Variants in ROBO1 observed in about 807,000 individuals in gnomAD.
The protein encoded by ROBO1 is roundabout guidance receptor 1.
In ROBO1, 149 loss-of-function variants were observed where a neutral mutation model predicts 195.9. The observed-to-expected ratio is 0.76, with a 90% CI of 0.67 to 0.87. The LOEUF is 0.87. ROBO1 is among the 40% of genes least tolerant of loss of function. ROBO1 has a pLI of 0.00. For missense variants in ROBO1, 1,933 were observed against 2,068.3 expected (o/e 0.93, Z 1.27); for synonymous variants, 816 against 733.2 (o/e 1.11, Z -1.82).
At position 78,599,743 on chromosome 3, in the gene ROBO1, T is replaced by C. The variant is rs2107214354; in HGVS notation, c.4941+370A>G. 2.6e-5 allele frequency among the ~76,000 whole-genome samples: 4 copies of C among 152,292 alleles called. 1 individual carries two copies. In the Middle Eastern group the frequency reaches 0.01, roughly 389 times the overall value. On this transcript the variant is annotated intron_variant, in intron 30 of 30. Transcript: ENST00000464233. ...GTGCTGACTATGGCAACTTCCTCAC[T>C]CACATCATATAACTCTGTCATCTTA...
chr3:78,616,496 T>C (rs1262065273), intron 27 of ROBO1, among the ~76,000 whole-genome samples: 1 of 152,114 alleles, frequency 6.6e-6, no homozygotes, highest in African/African-American at 2.4e-5. Flanking sequence ...TGATAAATAA[T>C]ATATAGAGAT....
chr3:78,682,503 GTA>G (rs113204783), intron 10 of ROBO1, among the ~76,000 whole-genome samples: 2 of 146,530 alleles, frequency 1.4e-5, no homozygotes, highest in South Asian at 2.1e-4. Flanking sequence ...ATGTATATAT[GTA>G]TATATGACTG....
At chr3:79,065,238 G>A (rs575387282) in intron 3 of ROBO1, among the ~76,000 whole-genome samples, 1 of 152,028 alleles carries the variant, frequency 6.6e-6, no homozygotes, top group East Asian at 1.9e-4. Flanking sequence ...ACTGTGTGTG[G>A]GTACAAAGCA....
At chr3:79,698,049 A>T (rs937109770) in intron 1 of ROBO1, among the ~76,000 whole-genome samples, 12 of 151,516 alleles carry the variant, frequency 7.9e-5, no homozygotes, top group Non-Finnish European at 1.5e-5. Flanking sequence ...TGCAGCATTA[A>T]GCATTAAAAA....
chr3:79,666,870 T>C (rs1358211128), intron 1 of ROBO1, among the ~76,000 whole-genome samples: 1 of 151,952 alleles, frequency 6.6e-6, no homozygotes, highest in Non-Finnish European at 1.5e-5. Context: ...TTACTTATAT[T>C]GACTTGGTGA....
At chr3:78,841,304 T>C (rs1208891213) in intron 4 of ROBO1, among the ~76,000 whole-genome samples, 2 of 152,174 alleles carry the variant, frequency 1.3e-5, no homozygotes, top group African/African-American at 4.8e-5. Flanking sequence ...TTTTCACTTA[T>C]TTCCCCAGCA....
chr3:79,320,626 T>G (rs920501778), intron 2 of ROBO1, among the ~76,000 whole-genome samples: 1 of 152,128 alleles, frequency 6.6e-6, no homozygotes, highest in Admixed American at 6.5e-5. Flanking sequence ...ACCATCACAT[T>G]GTGGGTTAGG....
intron 4 of ROBO1, among the ~76,000 whole-genome samples, chr3:78,774,206 T>A (rs897186910): frequency 6.6e-6 from 1 of 152,240 alleles, no homozygotes; most frequent in South Asian, 2.1e-4. Flanking sequence ...AATTGTACAA[T>A]TTAAATTTTC....
intron 2 of ROBO1, among the ~76,000 whole-genome samples, chr3:79,203,577 T>C (rs1266437196): frequency 6.6e-6 from 1 of 152,206 alleles, no homozygotes. Flanking sequence ...CAAGTGAATC[T>C]TGGCATGGAT....
chr3:78,893,550 T>C (rs1312069680), intron 4 of ROBO1, among the ~76,000 whole-genome samples: 1 of 152,182 alleles, frequency 6.6e-6, no homozygotes, highest in Non-Finnish European at 1.5e-5. Flanking sequence ...CTAAGACATA[T>C]TGGCTGTTTA....
rs186184678 is a variant in ROBO1, at chr3:78,946,046, T to C, written c.173-7119A>G. Among the ~76,000 whole-genome samples the C allele has an allele frequency of 9.0e-4, 137 of 152,206 alleles. No individual in the cohort carries two copies. The Middle Eastern group carries it at 0.014, about 15-fold the overall frequency. On this transcript the variant is annotated intron_variant, in intron 3 of 30. Coordinates refer to ENST00000464233, the MANE Select transcript of ROBO1 (RefSeq NM_002941.4). The stretch of plus-strand genomic sequence containing the variant: ...GTGAAAAGACCAAATCTACGTCTGA[T>C]TGGTGTACCTGAAAGTGATGGGGAG...
At chr3:79,047,845 G>A (rs778989023) in intron 3 of ROBO1, among the ~76,000 whole-genome samples, 5 of 152,100 alleles carry the variant, frequency 3.3e-5, no homozygotes, top group Non-Finnish European at 5.9e-5. Context: ...TGAAGCAACA[G>A]AGGCAGGGTA....
At chr3:78,838,923 T>A (rs2032965381) in intron 4 of ROBO1, among the ~76,000 whole-genome samples, 1 of 152,242 alleles carries the variant, frequency 6.6e-6, no homozygotes, top group African/African-American at 2.4e-5. Context: ...TGGCACTCCT[T>A]GACTAAATCT....
At chr3:78,971,845 A>G (rs2076775066) in intron 3 of ROBO1, among the ~76,000 whole-genome samples, 1 of 152,042 alleles carries the variant, frequency 6.6e-6, no homozygotes, top group Non-Finnish European at 1.5e-5. Context: ...GGCTCACTAC[A>G]ACCTTCGCCT....
intron 2 of ROBO1, among the ~76,000 whole-genome samples, chr3:79,148,607 T>C (rs1378127228): frequency 2.0e-5 from 3 of 151,852 alleles, no homozygotes; most frequent in African/African-American, 7.3e-5. Context: ...TAGTCTATAT[T>C]GAGTGGGAAC....
intron 3 of ROBO1, among the ~76,000 whole-genome samples, chr3:79,041,379 G>A (rs1007113602): frequency 9.9e-5 from 15 of 151,714 alleles, no homozygotes; most frequent in South Asian, 8.3e-4. Flanking sequence ...TTCCTCAACC[G>A]AATCTTAAAG....
intron 1 of ROBO1, among the ~76,000 whole-genome samples, chr3:79,707,821 T>C (rs574047874): frequency 5.3e-4 from 80 of 152,290 alleles, no homozygotes; most frequent in Admixed American, 9.2e-4. Context: ...AAGAATTTTT[T>C]AATGCTGAAA....
At position 78,717,794 on chromosome 3, in the gene ROBO1, A is replaced by T. The variant is rs781418445; in HGVS notation, c.747T>A (p.Arg249=). The change falls in exon 6 of 31, where the codon CGT becomes CGA. Residue 249 remains arginine, a synonymous_variant. Coordinates refer to ENST00000464233, the MANE Select transcript of ROBO1 (RefSeq NM_002941.4). The part of the protein sequence containing the change: ...VCVGTNMVGE[R]ESEVAELTVL... ...CAGTCAGCTCGGCTACTTCACTCTC[A>T]CGTTCCCCAACCATATTGGTACCAA... The T allele has an allele frequency of 6.2e-7, 1 of 1,612,832 alleles. No individual in the cohort carries two copies. Among genetic ancestry groups the T allele is most frequent in the South Asian group, 1.1e-5 (1 of 91,034 alleles).
intron 3 of ROBO1, among the ~76,000 whole-genome samples, chr3:79,059,621 T>C (rs971951769): frequency 1.2e-4 from 18 of 152,024 alleles, no homozygotes; most frequent in Admixed American, 9.2e-4. Flanking sequence ...CCCAAATTAA[T>C]ACTTTTATAA....
Sources: allele counts gnomAD v4.1 joint callset (sites outside exome capture counted in the v4.1 genomes callset), GRCh38; gene constraint gnomAD v4.1.1; transcripts MANE v1.5; gene names NCBI Gene and HGNC (gene_info 2026-07-23, HGNC 2026-07-21).